The following CDH13 variants were observed in gnomAD, a reference collection of about 807,000 sequenced individuals.
The protein encoded by CDH13 is cadherin 13.
In CDH13, 24 loss-of-function variants were observed where a neutral mutation model predicts 63.8. That is an observed-to-expected ratio of 0.38 (90% CI 0.27 to 0.53). The LOEUF (loss-of-function observed/expected upper bound fraction) is 0.53, where lower values mean the gene tolerates loss of function less well. Ranked by LOEUF, CDH13 falls within the 20% of genes least tolerant of loss-of-function variation. The pLI, the probability that CDH13 is intolerant of heterozygous loss-of-function variation, is 0.85. For missense variants in CDH13, 1,049 were observed against 903.1 expected (o/e 1.16, Z -2.07); for synonymous variants, 503 against 355.3 (o/e 1.42, Z -4.67).
chr16:83,097,712 A>G (rs2034277405), intron 3 of CDH13, among the ~76,000 whole-genome samples: 1 of 152,226 alleles, frequency 6.6e-6, no homozygotes, highest in African/African-American at 2.4e-5. Flanking sequence ...CAAAAGCAGG[A>G]AAATGTAAAA....
intron 1 of CDH13, among the ~76,000 whole-genome samples, chr16:82,832,435 C>CCTT (rs2038584633): frequency 6.6e-6 from 1 of 152,110 alleles, no homozygotes; most frequent in Non-Finnish European, 1.5e-5. Flanking sequence ...TCTTCCTCCT[C>CCTT]CTCCTTCTCT....
intron 6 of CDH13, among the ~76,000 whole-genome samples, chr16:83,389,446 G>C (rs76469326): frequency 0.11 from 16,558 of 152,198 alleles, 1,179 homozygotes; most frequent in Non-Finnish European, 0.16. Flanking sequence ...CCAATTTACA[G>C]TGAATTGTTC....
At chr16:83,277,902 G>C (rs1312615070) in intron 5 of CDH13, among the ~76,000 whole-genome samples, 1 of 151,738 alleles carries the variant, frequency 6.6e-6, no homozygotes, top group African/African-American at 2.4e-5. Flanking sequence ...TTTGCTATTG[G>C]GCAACAAACT....
At chr16:83,246,008 A>G (rs1413695281) in intron 5 of CDH13, among the ~76,000 whole-genome samples, 1 of 152,206 alleles carries the variant, frequency 6.6e-6, no homozygotes, top group Non-Finnish European at 1.5e-5. Context: ...AAGAGCTGGG[A>G]TTGCAGGTGT....
chr16:83,488,659 C>G (rs1057392237), intron 7 of CDH13, among the ~76,000 whole-genome samples: 8 of 151,730 alleles, frequency 5.3e-5, no homozygotes, highest in African/African-American at 1.9e-4. Context: ...GAGTCTTGCT[C>G]TGTCACCCAG....
At chr16:83,482,151 C>A (rs1218705814) in intron 6 of CDH13, among the ~76,000 whole-genome samples, 2 of 152,160 alleles carry the variant, frequency 1.3e-5, no homozygotes, top group Non-Finnish European at 2.9e-5. Context: ...TCTTGGAAGA[C>A]AAGGTACTGG....
intron 7 of CDH13, among the ~76,000 whole-genome samples, chr16:83,512,537 A>G (rs2074596852): frequency 6.7e-6 from 1 of 150,186 alleles, no homozygotes; most frequent in Admixed American, 6.6e-5. Flanking sequence ...GTGTGGTGGC[A>G]TGCGCCTGTA....
chr16:83,026,995 C>G (rs1252721874), intron 2 of CDH13, among the ~76,000 whole-genome samples: 1 of 151,970 alleles, frequency 6.6e-6, no homozygotes, highest in African/African-American at 2.4e-5. Flanking sequence ...TCTTCATTTC[C>G]TTGTACTCCC....
At chr16:82,898,123 TAC>T (rs2041331245) in intron 2 of CDH13, among the ~76,000 whole-genome samples, 1 of 152,284 alleles carries the variant, frequency 6.6e-6, no homozygotes, top group African/African-American at 2.4e-5. Flanking sequence ...TTATACTGAT[TAC>T]ATATTAAAAT....
chr16:83,429,069 C>G (rs1330306520), intron 6 of CDH13, among the ~76,000 whole-genome samples: 6 of 152,214 alleles, frequency 3.9e-5, no homozygotes, highest in Non-Finnish European at 8.8e-5. Flanking sequence ...AAGAGGAAAG[C>G]CTTATCCTTT....
At chr16:83,320,987 C>G (rs373587639) in intron 5 of CDH13, among the ~76,000 whole-genome samples, 5 of 152,156 alleles carry the variant, frequency 3.3e-5, no homozygotes, top group African/African-American at 1.2e-4. Context: ...TGACAAATAT[C>G]TAAAGGAAAC....
intron 1 of CDH13, among the ~76,000 whole-genome samples, chr16:82,782,789 G>A (rs2035824427): frequency 6.6e-6 from 1 of 152,168 alleles, no homozygotes. Flanking sequence ...TGCTGGTGAA[G>A]CTGCAGGAAT....
chr16:83,729,288 T>A lies in CDH13; in HGVS notation c.1539-18820T>A, dbSNP rs936506308. Among the ~76,000 whole-genome samples, 31 of 152,182 alleles carry A rather than the reference T, an allele frequency of 2.0e-4. 1 individual carries two copies. The highest frequency in any genetic ancestry group is 7.5e-4 in the African/African-American group (31 of 41,438). On this transcript the variant is annotated intron_variant, in intron 10 of 13. Coordinates refer to ENST00000567109, the MANE Select transcript of CDH13 (RefSeq NM_001257.5). ...GACATGCATATTATACATATGTGTATGTATATATAGTAAATATACCATCTA... is the reference window on the plus strand; with the variant it reads ...GACATGCATATTATACATATGTGTAAGTATATATAGTAAATATACCATCTA...
chr16:83,719,322 A>T (rs1431475627), intron 10 of CDH13, among the ~76,000 whole-genome samples: 1 of 152,098 alleles, frequency 6.6e-6, no homozygotes, highest in Non-Finnish European at 1.5e-5. Context: ...TGTGAAGTCT[A>T]TTACCTCATT....
At chr16:83,463,048 A>G (rs992202413) in intron 6 of CDH13, among the ~76,000 whole-genome samples, 3 of 152,134 alleles carry the variant, frequency 2.0e-5, no homozygotes, top group African/African-American at 7.2e-5. Flanking sequence ...GAAGACAAGC[A>G]GAATGGAAGA....
chr16:83,467,557 G>C (rs77111817), intron 6 of CDH13, among the ~76,000 whole-genome samples: 3,842 of 152,222 alleles, frequency 0.025, 166 homozygotes, highest in African/African-American at 0.087. Flanking sequence ...ACTGGCAACC[G>C]CTTCGTGCAG....
At chr16:83,087,117 T>C (rs1326653857) in intron 3 of CDH13, among the ~76,000 whole-genome samples, 1 of 152,142 alleles carries the variant, frequency 6.6e-6, no homozygotes, top group East Asian at 1.9e-4. Flanking sequence ...ATAGTTGACA[T>C]AAAATGTACA....
At chr16:83,615,997 C>A (rs918922364) in intron 8 of CDH13, among the ~76,000 whole-genome samples, 2 of 152,084 alleles carry the variant, frequency 1.3e-5, no homozygotes. Flanking sequence ...ATATCGGAGG[C>A]CCTGGAAACA....
intron 6 of CDH13, 121 bp downstream of exon 6, chr16:83,345,127 T>A: frequency 8.9e-7 from 1 of 1,123,402 alleles, no homozygotes; most frequent in Non-Finnish European, 1.3e-6. Flanking sequence ...AGCGTCGACT[T>A]AATACTTCCC....
Sources: allele counts gnomAD v4.1 joint callset (sites outside exome capture counted in the v4.1 genomes callset), GRCh38; gene constraint gnomAD v4.1.1; transcripts MANE v1.5; gene names NCBI Gene and HGNC (gene_info 2026-07-23, HGNC 2026-07-21).